Variants in GALNTL6 observed in about 807,000 individuals in gnomAD.
GALNTL6 encodes polypeptide N-acetylgalactosaminyltransferase like 6, also known as polypeptide N-acetylgalactosaminyltransferase-like 6.
Under a neutral mutation model 73.7 loss-of-function variants are expected in GALNTL6, and 46 were observed. The observed-to-expected ratio is 0.62, with a 90% CI of 0.49 to 0.80. The LOEUF is 0.80. GALNTL6 is among the 30% of genes least tolerant of loss of function. The pLI is 0.00. For missense variants in GALNTL6, 604 were observed against 755.0 expected (o/e 0.80, Z 2.34); for synonymous variants, 259 against 263.7 (o/e 0.98, Z 0.17).
At chr4:172,024,785 T>A (rs1327690924) in intron 2 of GALNTL6, among the ~76,000 whole-genome samples, 1 of 151,774 alleles carries the variant, frequency 6.6e-6, no homozygotes, top group Non-Finnish European at 1.5e-5. Flanking sequence ...AACACAGAAG[T>A]GCTATTGTCT....
intron 7 of GALNTL6, among the ~76,000 whole-genome samples, chr4:172,819,190 C>T (rs576397374): frequency 1.3e-5 from 2 of 152,194 alleles, no homozygotes; most frequent in Non-Finnish European, 2.9e-5. Flanking sequence ...AGAGTTGTAA[C>T]ACTGTCACAT....
At chr4:172,566,761 A>G (rs1450903305) in intron 5 of GALNTL6, among the ~76,000 whole-genome samples, 1 of 151,980 alleles carries the variant, frequency 6.6e-6, no homozygotes, top group African/African-American at 2.4e-5. Context: ...TTAAGATAAC[A>G]AAATCAGCAA....
chr4:171,991,200 C>T lies in GALNTL6; in HGVS notation c.138+176482C>T, dbSNP rs536083173. 2.6e-5 allele frequency among the ~76,000 whole-genome samples: 4 copies of T among 152,160 alleles called. No homozygotes were observed. In the South Asian group the frequency reaches 8.3e-4, roughly 32 times the overall value. On this transcript the variant is annotated intron_variant, in intron 2 of 12. Transcript: ENST00000506823. ...CAAAAGACATTGGATAGTCATAGACCTTTAAGAAAAGATGTGTAAGATCTA... is the reference window on the plus strand; with the variant it reads ...CAAAAGACATTGGATAGTCATAGACTTTTAAGAAAAGATGTGTAAGATCTA...
chr4:172,670,586 G>T (rs1731919268), intron 5 of GALNTL6, among the ~76,000 whole-genome samples: 1 of 151,766 alleles, frequency 6.6e-6, no homozygotes, highest in African/African-American at 2.4e-5. Context: ...AAAATTTTCT[G>T]CCATTCCATA....
At position 172,666,445 on chromosome 4, in the gene GALNTL6, A is replaced by G. The variant is rs140358823; in HGVS notation, c.554-142916A>G. 1.1e-4 allele frequency among the ~76,000 whole-genome samples: 16 copies of G among 152,290 alleles called. No homozygotes were observed. In the East Asian group the frequency reaches 2.9e-3, roughly 28 times the overall value. On this transcript the variant is annotated intron_variant, in intron 5 of 12. Transcript: ENST00000506823. ...GCTTCTCATGCACAAATGACTGAGAACAAAAACTATCACAAAAGATTGCAA... is the reference window on the plus strand; with the variant it reads ...GCTTCTCATGCACAAATGACTGAGAGCAAAAACTATCACAAAAGATTGCAA...
chr4:172,803,189 G>T (rs1051747560), intron 5 of GALNTL6, among the ~76,000 whole-genome samples: 15 of 152,112 alleles, frequency 9.9e-5, no homozygotes, highest in African/African-American at 3.6e-4. Flanking sequence ...CTAAAGCTGG[G>T]GTCCCCAACC....
At chr4:171,837,388 G>A (rs1200113975) in intron 2 of GALNTL6, among the ~76,000 whole-genome samples, 8 of 151,782 alleles carry the variant, frequency 5.3e-5, no homozygotes, top group South Asian at 4.2e-4. Context: ...TTTGGGGGGC[G>A]ATTGGTGAAA....
chr4:172,481,264 G>C (rs1050835140), intron 5 of GALNTL6, among the ~76,000 whole-genome samples: 6 of 151,514 alleles, frequency 4.0e-5, no homozygotes, highest in Admixed American at 6.6e-5. Context: ...CATTCCTCCC[G>C]GTGGGTTTGT....
rs150381622 is a variant in GALNTL6, at chr4:172,663,510, G to A, written c.554-145851G>A. Among the ~76,000 whole-genome samples, 17 of 152,272 alleles carry A rather than the reference G, an allele frequency of 1.1e-4. No homozygotes were observed. The East Asian group carries it at 2.1e-3, about 19-fold the overall frequency. ...GGACAACCCCAAGGTCCCACTAGTC[G>A]GAGGATCAGCTCTGAGTTCAAGATC... On this transcript the variant is annotated intron_variant, in intron 5 of 12. Transcript: ENST00000506823.
At chr4:171,893,965 C>T (rs1332114675) in intron 2 of GALNTL6, among the ~76,000 whole-genome samples, 2 of 145,564 alleles carry the variant, frequency 1.4e-5, no homozygotes, top group African/African-American at 5.0e-5. Flanking sequence ...CCACCCACCC[C>T]TCTCTAGCCA....
intron 2 of GALNTL6, among the ~76,000 whole-genome samples, chr4:171,999,163 A>G (rs1275347694): frequency 1.3e-5 from 2 of 152,192 alleles, no homozygotes; most frequent in Admixed American, 1.3e-4. Flanking sequence ...TACTAGGAAG[A>G]GAAAGAGGTA....
intron 2 of GALNTL6, among the ~76,000 whole-genome samples, chr4:172,170,892 A>G (rs1270699374): frequency 6.6e-6 from 1 of 152,214 alleles, no homozygotes; most frequent in Admixed American, 6.5e-5. Context: ...CAGTTAAACT[A>G]TATTTTACAT....
intron 3 of GALNTL6, among the ~76,000 whole-genome samples, chr4:172,252,846 A>G (rs1737930527): frequency 6.6e-6 from 1 of 151,948 alleles, no homozygotes; most frequent in South Asian, 2.1e-4. Context: ...AAATGGGCAT[A>G]TGGTTATGAG....
At chr4:172,858,080 CA>C (rs1187815225) in intron 7 of GALNTL6, among the ~76,000 whole-genome samples, 61 of 152,168 alleles carry the variant, frequency 4.0e-4, no homozygotes, top group Admixed American at 3.9e-3. Flanking sequence ...GAATAGTACT[CA>C]ATTTAGATAT....
intron 5 of GALNTL6, among the ~76,000 whole-genome samples, chr4:172,465,247 G>A (rs927485562): frequency 1.3e-5 from 2 of 152,166 alleles, no homozygotes; most frequent in African/African-American, 4.8e-5. Context: ...GGAGGCCGAG[G>A]CAGGTGGATC....
intron 8 of GALNTL6, among the ~76,000 whole-genome samples, chr4:172,911,422 AAAGT>A (rs1286597693): frequency 6.6e-6 from 1 of 152,218 alleles, no homozygotes; most frequent in Non-Finnish European, 1.5e-5. Context: ...CTGAGCTTGC[AAAGT>A]AAGTCAAAGT....
chr4:172,660,463 G>A (rs764266126), intron 5 of GALNTL6, among the ~76,000 whole-genome samples: 20 of 152,208 alleles, frequency 1.3e-4, no homozygotes, highest in Non-Finnish European at 2.2e-4. Flanking sequence ...TCAAGGAAGC[G>A]GAATGTTGAA....
intron 2 of GALNTL6, among the ~76,000 whole-genome samples, chr4:171,897,561 G>A (rs776106500): frequency 2.0e-5 from 3 of 152,158 alleles, no homozygotes; most frequent in East Asian, 3.9e-4. Context: ...TGTGGCTCGC[G>A]CCTGCAATCC....
Position 171,915,729 on chromosome 4 carries a change from A to G in GALNTL6, c.138+101011A>G, listed in dbSNP as rs529313146. On this transcript the variant is annotated intron_variant, in intron 2 of 12. Transcript: ENST00000506823. ...TCATTTTTTGCTAGTTTAGTGTCAA[A>G]AAAAGTAACAAGTAAATTATTTTTT... Among the ~76,000 whole-genome samples, 3 of 152,312 alleles carry G rather than the reference A, an allele frequency of 2.0e-5. No individual in the cohort carries two copies. The East Asian group carries it at 5.8e-4, about 29-fold the overall frequency.
Sources: gnomAD v4.1 joint callset for allele counts (sites outside exome capture counted in the v4.1 genomes callset) on GRCh38, gnomAD v4.1.1 for gene constraint, MANE v1.5 for transcripts, NCBI Gene and HGNC (gene_info 2026-07-23, HGNC 2026-07-21) for gene names.